Variants in ZNF385D observed in about 807,000 individuals in gnomAD.
The protein encoded by ZNF385D is zinc finger protein 659.
Under a neutral mutation model 35.8 loss-of-function variants are expected in ZNF385D, and 15 were observed. That is an observed-to-expected ratio of 0.42 (90% CI 0.28 to 0.64). The LOEUF (loss-of-function observed/expected upper bound fraction) is 0.64. Ranked by LOEUF, ZNF385D falls within the 30% of genes least tolerant of loss-of-function variation. ZNF385D has a pLI of 0.23. For missense variants in ZNF385D, 474 were observed against 494.6 expected (o/e 0.96, Z 0.39); for synonymous variants, 212 against 186.8 (o/e 1.13, Z -1.10).
chr3:22,150,680 T>C (rs1325183021), intron 3 of ZNF385D, among the ~76,000 whole-genome samples: 1 of 152,186 alleles, frequency 6.6e-6, no homozygotes, highest in African/African-American at 2.4e-5. Flanking sequence ...ATATCTTATC[T>C]AGCTTGTCAT....
At chr3:22,237,310 A>G (rs1219883179) in intron 2 of ZNF385D, among the ~76,000 whole-genome samples, 3 of 152,242 alleles carry the variant, frequency 2.0e-5, no homozygotes, top group Admixed American at 2.0e-4. Context: ...CCTACTGGCT[A>G]TTTGTATATC....
intron 4 of ZNF385D, among the ~76,000 whole-genome samples, chr3:21,481,720 G>A (rs970440717): frequency 6.6e-6 from 1 of 152,070 alleles, no homozygotes; most frequent in Non-Finnish European, 1.5e-5. Context: ...TTTTAAGGAA[G>A]TCTTTTTTAT....
intron 2 of ZNF385D, among the ~76,000 whole-genome samples, chr3:22,365,051 T>C (rs765618810): frequency 1.7e-4 from 26 of 151,964 alleles, no homozygotes; most frequent in Admixed American, 4.6e-4. Context: ...AAATCAATCA[T>C]AGAGACAGAA....
intron 3 of ZNF385D, among the ~76,000 whole-genome samples, chr3:21,904,996 G>T (rs1166933112): frequency 1.3e-5 from 2 of 151,656 alleles, no homozygotes; most frequent in African/African-American, 4.8e-5. Flanking sequence ...AATAAACTAC[G>T]ATTCATCTCA....
intron 4 of ZNF385D, among the ~76,000 whole-genome samples, chr3:21,483,481 T>C (rs969401550): frequency 6.6e-6 from 1 of 152,202 alleles, no homozygotes; most frequent in East Asian, 1.9e-4. Context: ...CTGGGTCATA[T>C]GGCAAGTATA....
At chr3:22,307,582 G>GA (rs1020814075) in intron 2 of ZNF385D, among the ~76,000 whole-genome samples, 1 of 151,994 alleles carries the variant, frequency 6.6e-6, no homozygotes, top group African/African-American at 2.4e-5. Context: ...GGTATTTTGG[G>GA]AAAATCATAA....
intron 4 of ZNF385D, among the ~76,000 whole-genome samples, chr3:21,446,526 C>G (rs1294992196): frequency 8.4e-6 from 1 of 119,714 alleles, no homozygotes; most frequent in Non-Finnish European, 1.6e-5. Flanking sequence ...CAGAGTCTCA[C>G]TCTATCATGC....
At chr3:21,662,981 A>G (rs565289451) in intron 2 of ZNF385D, among the ~76,000 whole-genome samples, 2 of 152,330 alleles carry the variant, frequency 1.3e-5, no homozygotes, top group African/African-American at 4.8e-5. Context: ...TAGTCCCATT[A>G]TGTGGATGAA....
At chr3:21,950,835 T>C (rs1702029162) in intron 3 of ZNF385D, among the ~76,000 whole-genome samples, 1 of 151,770 alleles carries the variant, frequency 6.6e-6, no homozygotes, top group Non-Finnish European at 1.5e-5. Flanking sequence ...TTTGTCAGTA[T>C]GCCAAAAATC....
chr3:22,347,091 T>A (rs934146907), intron 2 of ZNF385D, among the ~76,000 whole-genome samples: 13 of 151,974 alleles, frequency 8.6e-5, no homozygotes, highest in African/African-American at 3.1e-4. Context: ...GAAAGTGACA[T>A]AAAGAGAGAG....
chr3:21,524,123 G>A (rs1344210072), intron 3 of ZNF385D, among the ~76,000 whole-genome samples: 2 of 152,162 alleles, frequency 1.3e-5, no homozygotes, highest in Non-Finnish European at 2.9e-5. Context: ...GAAGTCCCAA[G>A]GTTTGGGGGA....
chr3:21,569,826 C>T (rs183052142), intron 2 of ZNF385D, among the ~76,000 whole-genome samples: 20 of 143,576 alleles, frequency 1.4e-4, no homozygotes, highest in Non-Finnish European at 1.9e-4. Flanking sequence ...CCAAGCACTG[C>T]GTGTTCTCAC....
chr3:21,795,202 T>C (rs2072095606), intron 3 of ZNF385D, among the ~76,000 whole-genome samples: 1 of 152,174 alleles, frequency 6.6e-6, no homozygotes, highest in African/African-American at 2.4e-5. Flanking sequence ...GATCACCCAG[T>C]GTGAATGGAA....
intron 2 of ZNF385D, among the ~76,000 whole-genome samples, chr3:22,284,563 A>T (rs957275038): frequency 1.3e-5 from 2 of 152,008 alleles, no homozygotes; most frequent in Non-Finnish European, 2.9e-5. Flanking sequence ...ATGGTGGACC[A>T]CAGAGAAGAG....
intron 3 of ZNF385D, among the ~76,000 whole-genome samples, chr3:22,123,387 T>C (rs963632914): frequency 6.6e-6 from 1 of 152,178 alleles, no homozygotes; most frequent in African/African-American, 2.4e-5. Context: ...TTGGTGTATA[T>C]ATTGATGAGG....
chr3:22,028,460 C>G (rs1697706444), intron 3 of ZNF385D, among the ~76,000 whole-genome samples: 2 of 152,190 alleles, frequency 1.3e-5, no homozygotes, highest in South Asian at 4.1e-4. Flanking sequence ...TTGCCAGCAG[C>G]AGAGACCAAC....
intron 2 of ZNF385D, among the ~76,000 whole-genome samples, chr3:21,595,141 C>G (rs2126822): frequency 0.2 from 31,084 of 152,102 alleles, 3,874 homozygotes; most frequent in Middle Eastern, 0.3. Context: ...GAACTACTGA[C>G]TTTTATCAGA....
chr3:21,424,311 A>ATACT lies in ZNF385D; in HGVS notation c.853-248_853-247insAGTA, dbSNP rs1355490076. Among the ~76,000 whole-genome samples the ATACT allele has an allele frequency of 6.7e-3, 328 of 49,176 alleles. 23 individuals are homozygous for ATACT. The highest frequency in any genetic ancestry group is 0.019 in the African/African-American group (312 of 16,534). 32.3% of individuals were successfully genotyped at this position (49,176 alleles called of 152,430 possible). A position where few individuals can be genotyped will look rare whatever the true frequency, so the allele number is the denominator to read the frequency against. ...CTTATATATATATATTTATATATAT[A>ATACT]TATATATTTTTTTTTTTTTTTGAGA... On this transcript the variant is annotated intron_variant, in intron 6 of 7. Coordinates refer to ENST00000281523, the MANE Select transcript of ZNF385D (RefSeq NM_024697.3).
At chr3:22,138,472 T>C (rs4530549) in intron 3 of ZNF385D, among the ~76,000 whole-genome samples, 26,906 of 151,638 alleles carry the variant, frequency 0.18, 2,880 homozygotes, top group East Asian at 0.41. Context: ...AACAGAGATA[T>C]AGACCAACGG....
Sources: gnomAD v4.1 joint callset for allele counts (sites outside exome capture counted in the v4.1 genomes callset) on GRCh38, gnomAD v4.1.1 for gene constraint, MANE v1.5 for transcripts, NCBI Gene and HGNC (gene_info 2026-07-23, HGNC 2026-07-21) for gene names.